LRRC3B: variants seen among roughly 807,000 people sequenced by gnomAD.
The protein encoded by LRRC3B is leucine-rich repeat-containing protein 3B.
LRRC3B carries 2 observed loss-of-function variants against 12.8 expected under a neutral mutation model. That is an observed-to-expected ratio of 0.16 (90% CI 0.06 to 0.49). The LOEUF (loss-of-function observed/expected upper bound fraction) is 0.49. Among genes scored for constraint, LRRC3B ranks in the 20% least tolerant of loss-of-function variants. LRRC3B has a pLI of 0.96. For synonymous variants in LRRC3B, 132 were observed against 122.0 expected, an observed-to-expected ratio of 1.08 and a Z score of -0.54; for missense variants, 189 against 319.4, an observed-to-expected ratio of 0.59 and a Z score of 3.11.
chr3:26,655,878 C>T (rs1307447873), intron 1 of LRRC3B, among the ~76,000 whole-genome samples: 2 of 152,052 alleles, frequency 1.3e-5, no homozygotes, highest in East Asian at 1.9e-4. Flanking sequence ...TTCTTCATGA[C>T]CTTATTGCTA....
chr3:26,637,969 A>G (rs80320728), intron 1 of LRRC3B, among the ~76,000 whole-genome samples: 5,202 of 152,340 alleles, frequency 0.034, 168 homozygotes, highest in East Asian at 0.13. Flanking sequence ...AAACAACAAT[A>G]GTAAGTTATG....
At chr3:26,625,587 G>T (rs1273096164) in intron 1 of LRRC3B, 1 of 152,180 alleles carries the variant, frequency 6.6e-6, no homozygotes, top group African/African-American at 2.4e-5. Context: ...CTTTCTGGGT[G>T]CTTATCTATC....
intron 1 of LRRC3B, among the ~76,000 whole-genome samples, chr3:26,648,319 T>C (rs1441597566): frequency 1.3e-5 from 2 of 152,142 alleles, no homozygotes; most frequent in African/African-American, 2.4e-5. Flanking sequence ...CAGACAGCGA[T>C]TGGCACTGAT....
intron 1 of LRRC3B, among the ~76,000 whole-genome samples, chr3:26,634,875 GCT>G (rs1698833064): frequency 6.6e-6 from 1 of 152,198 alleles, no homozygotes; most frequent in Non-Finnish European, 1.5e-5. Context: ...CTGGTTAAAA[GCT>G]CTCTGTAATT....
At chr3:26,624,767 C>A (rs4973737) in intron 1 of LRRC3B, 91,957 of 152,282 alleles carry the variant, frequency 0.6, 30,080 homozygotes, top group Middle Eastern at 0.8. Flanking sequence ...TTGCAGCTCC[C>A]AGGTAGATTC....
At chr3:26,705,197 G>A (rs2125462584) in intron 1 of LRRC3B, among the ~76,000 whole-genome samples, 1 of 152,282 alleles carries the variant, frequency 6.6e-6, no homozygotes, top group South Asian at 2.1e-4. Context: ...TTTTCTTCTG[G>A]AAATGGTATT....
intron 1 of LRRC3B, among the ~76,000 whole-genome samples, chr3:26,673,339 T>A (rs1478640402): frequency 2.0e-5 from 3 of 152,162 alleles, no homozygotes; most frequent in Non-Finnish European, 4.4e-5. Context: ...ATACACTTTG[T>A]GTGAGATGAA....
intron 1 of LRRC3B, among the ~76,000 whole-genome samples, chr3:26,706,761 C>T (rs540429343): frequency 1.6e-4 from 25 of 152,334 alleles, no homozygotes; most frequent in African/African-American, 4.3e-4. Context: ...GAGTTCCATT[C>T]TTCTTTCCAT....
At chr3:26,673,677 G>T (rs1011766584) in intron 1 of LRRC3B, among the ~76,000 whole-genome samples, 1 of 152,134 alleles carries the variant, frequency 6.6e-6, no homozygotes, top group South Asian at 2.1e-4. Flanking sequence ...TCTCTAAGCT[G>T]CTCTGCCTTC....
At chr3:26,689,201 A>G (rs146232331) in intron 1 of LRRC3B, among the ~76,000 whole-genome samples, 1 of 152,338 alleles carries the variant, frequency 6.6e-6, no homozygotes, top group East Asian at 1.9e-4. Flanking sequence ...AAGTAGAGGA[A>G]AAGAGAGAAA....
intron 1 of LRRC3B, among the ~76,000 whole-genome samples, chr3:26,633,482 C>T (rs920651348): frequency 2.6e-5 from 4 of 152,122 alleles, no homozygotes; most frequent in African/African-American, 4.8e-5. Context: ...TTACAGTGTA[C>T]TCAGCACTGA....
At chr3:26,706,946 A>ATAT (rs1341409966) in intron 1 of LRRC3B, among the ~76,000 whole-genome samples, 5 of 152,182 alleles carry the variant, frequency 3.3e-5, no homozygotes, top group Admixed American at 2.6e-4. Context: ...TTCATATAAC[A>ATAT]TATTTATTTA....
intron 1 of LRRC3B, among the ~76,000 whole-genome samples, chr3:26,645,697 T>C (rs1224195015): frequency 6.6e-6 from 1 of 152,062 alleles, no homozygotes; most frequent in African/African-American, 2.4e-5. Flanking sequence ...TTCTGGAGTG[T>C]GAGGGATAGA....
chr3:26,679,334 G>T (rs1699923542), intron 1 of LRRC3B, among the ~76,000 whole-genome samples: 1 of 152,140 alleles, frequency 6.6e-6, no homozygotes, highest in African/African-American at 2.4e-5. Flanking sequence ...AAACCTTCTG[G>T]CATAGTATTT....
At chr3:26,647,378 C>A (rs1699175490) in intron 1 of LRRC3B, among the ~76,000 whole-genome samples, 1 of 152,154 alleles carries the variant, frequency 6.6e-6, no homozygotes, top group South Asian at 2.1e-4. Context: ...TGCTTTCACT[C>A]CTGTATGCCA....
At chr3:26,709,264 T>C (rs1417191855) in intron 1 of LRRC3B, among the ~76,000 whole-genome samples, 1 of 152,174 alleles carries the variant, frequency 6.6e-6, no homozygotes, top group Non-Finnish European at 1.5e-5. Context: ...TTGTTCTCAT[T>C]CTATCCAACT....
At chr3:26,686,080 T>A (rs762729160) in intron 1 of LRRC3B, among the ~76,000 whole-genome samples, 9 of 152,036 alleles carry the variant, frequency 5.9e-5, no homozygotes, top group Admixed American at 1.3e-4. Context: ...TTATTTATTT[T>A]CCTTTCTTTT....
Position 26,671,318 on chromosome 3 carries a change from T to C in LRRC3B, c.-160-38195T>C, listed in dbSNP as rs1348596104. 3.8e-5 allele frequency among the ~76,000 whole-genome samples: 5 copies of C among 130,798 alleles called. No homozygotes were observed. The East Asian group carries it at 1.2e-3, about 31-fold the overall frequency. The allele number at this position is 130,798 out of a possible 152,430, so 85.8% of individuals were successfully genotyped here. ...GCGTGAGCCACCGCGCCCGGCCTCA[T>C]GTATCTTATAAATGTGTGTGTATAT... On this transcript the variant is annotated intron_variant, in intron 1 of 1. Coordinates refer to ENST00000396641, the Ensembl canonical transcript of LRRC3B.
intron 1 of LRRC3B, among the ~76,000 whole-genome samples, chr3:26,646,230 C>T (rs1485766359): frequency 1.3e-5 from 2 of 152,154 alleles, no homozygotes; most frequent in Non-Finnish European, 2.9e-5. Flanking sequence ...AGCAGGAAGC[C>T]TTCCAACCAG....
Sources: allele counts gnomAD v4.1 joint callset (sites outside exome capture counted in the v4.1 genomes callset), GRCh38; gene constraint gnomAD v4.1.1; transcripts MANE v1.5; gene names NCBI Gene and HGNC (gene_info 2026-07-23, HGNC 2026-07-21).